The following RANBP2 variants were observed in gnomAD, a reference collection of about 807,000 sequenced individuals.
The protein encoded by RANBP2 is RAN binding protein 2, also known as E3 SUMO-protein ligase RanBP2.
Under a neutral mutation model 303.6 loss-of-function variants are expected in RANBP2, and 57 were observed. The observed-to-expected ratio is 0.19, with a 90% CI of 0.15 to 0.23. The LOEUF (loss-of-function observed/expected upper bound fraction) is 0.23, where lower values mean the gene tolerates loss of function less well. Ranked by LOEUF, RANBP2 falls within the 10% of genes least tolerant of loss-of-function variation. RANBP2 has a pLI of 1.00. For missense variants in RANBP2, 3,138 were observed against 3,780.8 expected (o/e 0.83, Z 4.46); for synonymous variants, 1,167 against 1,301.5 (o/e 0.90, Z 2.23).
chr2:108,979,467 T>TCACACACA, the RANBP2 span, among the ~76,000 whole-genome samples: 14 of 147,222 alleles, frequency 9.5e-5, no homozygotes, highest in East Asian at 6.1e-4. Context: ...TCTCTCTCTC[T>TCACACACA]CACACACACA....
chr2:109,452,833 AGGAGGCTGGTCCCTG>A, the RANBP2 span, among the ~76,000 whole-genome samples: 14 of 130,506 alleles, frequency 1.1e-4, no homozygotes, highest in Non-Finnish European at 1.5e-4. Context: ...GGCTGGTGCC[AGGAGGCTGGTCCCTG>A]GGAGGCTGGT....
chr2:109,763,261 C>G, the RANBP2 span, among the ~76,000 whole-genome samples: 1 of 150,442 alleles, frequency 6.6e-6, no homozygotes, highest in African/African-American at 2.4e-5. Context: ...AGACACTGTT[C>G]TGAGTACATT....
At chr2:109,681,757 C>T in the RANBP2 span, among the ~76,000 whole-genome samples, 6 of 152,334 alleles carry the variant, frequency 3.9e-5, no homozygotes, top group African/African-American at 1.2e-4. Flanking sequence ...CCAACATGTC[C>T]CCACAGCCTG....
chr2:109,147,950 G>C, the RANBP2 span, among the ~76,000 whole-genome samples: 1 of 152,156 alleles, frequency 6.6e-6, no homozygotes, highest in Admixed American at 6.5e-5. Flanking sequence ...TTGGGGACTA[G>C]CTCATTTCTG....
chr2:108,780,463 A>G (rs1431656606), intron 25 of RANBP2, among the ~76,000 whole-genome samples: 1 of 143,064 alleles, frequency 7.0e-6, no homozygotes, highest in Admixed American at 7.0e-5. Flanking sequence ...CTCTCAAGTT[A>G]AAGTGATTCT....
the RANBP2 span, among the ~76,000 whole-genome samples, chr2:109,430,168 T>C: frequency 3.5e-3 from 527 of 152,322 alleles, 19 homozygotes; most frequent in East Asian, 0.061. Flanking sequence ...GAGCTGTTGG[T>C]GCGGCCTGAG....
the RANBP2 span, among the ~76,000 whole-genome samples, chr2:109,190,234 C>T: frequency 1.3e-5 from 2 of 151,662 alleles, no homozygotes; most frequent in South Asian, 2.1e-4. Flanking sequence ...AGTGCAGTGG[C>T]GTGATCTTGG....
the RANBP2 span, among the ~76,000 whole-genome samples, chr2:109,418,690 A>C: frequency 6.6e-6 from 1 of 152,170 alleles, no homozygotes; most frequent in Non-Finnish European, 1.5e-5. Flanking sequence ...ATAAGACCAC[A>C]AGCACTGGTG....
chr2:109,095,600 A>T, the RANBP2 span, among the ~76,000 whole-genome samples: 4 of 152,278 alleles, frequency 2.6e-5, no homozygotes, highest in South Asian at 6.2e-4. Context: ...GAAGGGGATT[A>T]TTTAATTCTG....
At chr2:109,638,259 C>T in the RANBP2 span, among the ~76,000 whole-genome samples, 105 of 152,316 alleles carry the variant, frequency 6.9e-4, no homozygotes, top group African/African-American at 2.5e-3. Context: ...AAGAGTTAGG[C>T]TTTTCAAGGA....
the RANBP2 span, among the ~76,000 whole-genome samples, chr2:108,941,550 C>T: frequency 6.6e-6 from 1 of 152,202 alleles, no homozygotes; most frequent in Non-Finnish European, 1.5e-5. Context: ...TTACACTCAG[C>T]TCTGAGGGTC....
chr2:109,484,071 T>C, the RANBP2 span, among the ~76,000 whole-genome samples: 4 of 148,188 alleles, frequency 2.7e-5, no homozygotes, highest in South Asian at 2.1e-4. Context: ...GCCTTTCTTT[T>C]TTTTTTTTTT....
At chr2:108,782,987 C>T in intron 28 of RANBP2, 125 bp downstream of exon 28, 1 of 806,358 alleles carries the variant, frequency 1.2e-6, no homozygotes, top group Non-Finnish European at 2.0e-6. Flanking sequence ...AGGTTTTCCA[C>T]ACATGGAATC....
At chr2:109,442,301 A>G in the RANBP2 span, among the ~76,000 whole-genome samples, 1 of 147,128 alleles carries the variant, frequency 6.8e-6, no homozygotes, top group East Asian at 2.0e-4. Context: ...ACGGAGTGAG[A>G]CTCCACCTCA....
At chr2:109,695,133 A>AT in the RANBP2 span, among the ~76,000 whole-genome samples, 1 of 151,716 alleles carries the variant, frequency 6.6e-6, no homozygotes, top group Non-Finnish European at 1.5e-5. Context: ...CATCATTTCC[A>AT]TTTGAATCCT....
the RANBP2 span, among the ~76,000 whole-genome samples, chr2:109,148,752 C>T: frequency 6.6e-6 from 1 of 152,136 alleles, no homozygotes; most frequent in East Asian, 1.9e-4. Flanking sequence ...TACTGGGGCT[C>T]GGTCATAGAC....
At chr2:109,280,906 C>T in the RANBP2 span, among the ~76,000 whole-genome samples, 1 of 152,218 alleles carries the variant, frequency 6.6e-6, no homozygotes, top group Non-Finnish European at 1.5e-5. Flanking sequence ...ATTATCCTCA[C>T]TGCAAATGTG....
chr2:108,973,382 G>C, the RANBP2 span, among the ~76,000 whole-genome samples: 1 of 152,236 alleles, frequency 6.6e-6, no homozygotes, highest in Admixed American at 6.5e-5. Flanking sequence ...GGGCGGTGCA[G>C]AGAGAGTGTC....
chr2:109,475,841 C>T, the RANBP2 span, among the ~76,000 whole-genome samples: 1 of 152,234 alleles, frequency 6.6e-6, no homozygotes, highest in Non-Finnish European at 1.5e-5. Flanking sequence ...CTGGCTGCCT[C>T]TACCTTGGGC....
Sources: gnomAD v4.1 joint callset for allele counts (sites outside exome capture counted in the v4.1 genomes callset) on GRCh38, gnomAD v4.1.1 for gene constraint, MANE v1.5 for transcripts, NCBI Gene and HGNC (gene_info 2026-07-23, HGNC 2026-07-21) for gene names.